Variants in RALGAPA1 observed in about 807,000 individuals in gnomAD.
The protein encoded by RALGAPA1 is ral GTPase-activating protein subunit alpha-1.
Under a neutral mutation model 269.6 loss-of-function variants are expected in RALGAPA1, and 52 were observed. The observed-to-expected ratio is 0.19, with a 90% CI of 0.15 to 0.24. The LOEUF (loss-of-function observed/expected upper bound fraction) is 0.24, where lower values mean the gene tolerates loss of function less well. Among genes scored for constraint, RALGAPA1 ranks in the 10% least tolerant of loss-of-function variants. The pLI, the probability that RALGAPA1 is intolerant of heterozygous loss-of-function variation, is 1.00. For synonymous variants in RALGAPA1, 817 were observed against 1,008.3 expected, an observed-to-expected ratio of 0.81 and a Z score of 3.60; for missense variants, 1,917 against 3,013.9, an observed-to-expected ratio of 0.64 and a Z score of 8.52.
intron 36 of RALGAPA1, among the ~76,000 whole-genome samples, chr14:35,599,571 C>T (rs1005429587): frequency 9.2e-5 from 14 of 151,954 alleles, no homozygotes; most frequent in African/African-American, 3.4e-4. Flanking sequence ...ATGTTGAAAC[C>T]CTGTCTCTAC....
chr14:35,580,918 A>C (rs888076949), intron 37 of RALGAPA1, among the ~76,000 whole-genome samples: 131 of 152,198 alleles, frequency 8.6e-4, no homozygotes, highest in African/African-American at 3.1e-3. Flanking sequence ...ACTTCCTCCA[A>C]TATTACACTT....
intron 26 of RALGAPA1, among the ~76,000 whole-genome samples, chr14:35,667,378 C>CAA (rs1308690973): frequency 6.6e-6 from 1 of 152,254 alleles, no homozygotes; most frequent in East Asian, 1.9e-4. Flanking sequence ...AGTCTAGCGA[C>CAA]AGAGCGAGAC....
intron 37 of RALGAPA1, among the ~76,000 whole-genome samples, chr14:35,588,117 G>C (rs2058419444): frequency 6.6e-6 from 1 of 152,146 alleles, no homozygotes; most frequent in East Asian, 1.9e-4. Flanking sequence ...ATGTTGGCCA[G>C]GATGCTCTCA....
chr14:35,557,863 C>T (rs929605760), intron 39 of RALGAPA1, among the ~76,000 whole-genome samples: 1 of 152,142 alleles, frequency 6.6e-6, no homozygotes, highest in Non-Finnish European at 1.5e-5. Flanking sequence ...TATTTAAGAA[C>T]ATGCTGCATA....
At chr14:35,738,862 A>G (rs1456019082) in intron 11 of RALGAPA1, among the ~76,000 whole-genome samples, 1 of 152,194 alleles carries the variant, frequency 6.6e-6, no homozygotes, top group Non-Finnish European at 1.5e-5. Context: ...AAAAACAACA[A>G]CAAAACCCAT....
chr14:35,713,036 A>G (rs934880422), intron 16 of RALGAPA1, among the ~76,000 whole-genome samples: 4 of 152,224 alleles, frequency 2.6e-5, no homozygotes, highest in African/African-American at 7.2e-5. Flanking sequence ...AAGATTTTCA[A>G]TTTTATCCCA....
intron 31 of RALGAPA1, among the ~76,000 whole-genome samples, chr14:35,641,600 C>T (rs376885120): frequency 6.6e-5 from 10 of 152,200 alleles, no homozygotes; most frequent in East Asian, 5.8e-4. Flanking sequence ...GAAAAAGACA[C>T]GAAACAATGG....
Position 35,728,966 on chromosome 14 carries a change from C to T in RALGAPA1, c.1588-456G>A, listed in dbSNP as rs1335239513. Reference sequence around the variant, plus strand: ...GCCAGGCTGGTCTCAAACTCCTGGCCTCAAGTGATCTGCCCACCTTGGCTT... The same window carrying T: ...GCCAGGCTGGTCTCAAACTCCTGGCTTCAAGTGATCTGCCCACCTTGGCTT... On this transcript the variant is annotated intron_variant, in intron 12 of 41. Transcript: ENST00000680220. Among the ~76,000 whole-genome samples, 7 of 152,166 alleles carry T rather than the reference C, an allele frequency of 4.6e-5. No homozygotes were observed. The East Asian group carries it at 1.4e-3, about 29-fold the overall frequency.
intron 22 of RALGAPA1, 138 bp from the exon 23 acceptor site, chr14:35,674,847 C>A: frequency 5.8e-6 from 3 of 515,122 alleles, no homozygotes; most frequent in South Asian, 4.1e-5. Flanking sequence ...TATTTTTTCC[C>A]GATAAGGTCA....
intron 3 of RALGAPA1, among the ~76,000 whole-genome samples, chr14:35,773,789 A>G (rs1009920): frequency 0.35 from 52,919 of 151,992 alleles, 12,697 homozygotes; most frequent in African/African-American, 0.67. Flanking sequence ...CAGCGTTACT[A>G]CTGTTTGGAA....
At chr14:35,741,312 T>C (rs1567132747) in intron 11 of RALGAPA1, among the ~76,000 whole-genome samples, 1 of 152,172 alleles carries the variant, frequency 6.6e-6, no homozygotes, top group Non-Finnish European at 1.5e-5. Context: ...AATTTGATAT[T>C]TTTCATTGGT....
At chr14:35,659,244 A>C in intron 27 of RALGAPA1, 48 bp from the exon 28 acceptor site, 1 of 1,391,706 alleles carries the variant, frequency 7.2e-7, no homozygotes, top group South Asian at 1.2e-5. Flanking sequence ...GATTTCACTC[A>C]TTCATTCTAC....
intron 16 of RALGAPA1, 149 bp downstream of exon 16, chr14:35,721,539 G>C: frequency 1.7e-6 from 1 of 596,200 alleles, no homozygotes; most frequent in Non-Finnish European, 2.8e-6. Context: ...TAGACTCTGA[G>C]TACTTCTGGA....
Position 35,765,790 on chromosome 14 carries a change from C to T in RALGAPA1, c.326-3037G>A. The T allele has an allele frequency of 1.9e-5, 9 of 480,222 alleles. No individual in the cohort carries two copies. In the South Asian group the frequency reaches 2.0e-4, roughly 11 times the overall value. 29.7% of individuals were successfully genotyped at this position (480,222 alleles called of 1,614,324 possible). ...GGATTACAGGCGTGAGCCACTACAG[C>T]CAGCCAAAAATTACTGTCTTACATG... is the stretch of plus-strand genomic sequence containing the variant. On this transcript the variant is annotated intron_variant, in intron 4 of 41. Transcript: ENST00000680220.
At chr14:35,718,675 G>C (rs1047726092) in intron 16 of RALGAPA1, among the ~76,000 whole-genome samples, 1 of 151,872 alleles carries the variant, frequency 6.6e-6, no homozygotes, top group African/African-American at 2.4e-5. Context: ...AATTAGCCAG[G>C]CGTGGTGGCA....
intron 22 of RALGAPA1, among the ~76,000 whole-genome samples, chr14:35,674,972 T>C (rs1276515699): frequency 6.6e-6 from 1 of 152,162 alleles, no homozygotes; most frequent in Non-Finnish European, 1.5e-5. Context: ...TAGAGAAATT[T>C]CTATCTATGC....
intron 31 of RALGAPA1, among the ~76,000 whole-genome samples, chr14:35,644,417 A>G (rs2062247031): frequency 6.6e-6 from 1 of 152,320 alleles, no homozygotes; most frequent in South Asian, 2.1e-4. Flanking sequence ...AGACCCTAAA[A>G]CTGCATACAA....
intron 31 of RALGAPA1, among the ~76,000 whole-genome samples, chr14:35,641,254 A>G (rs777759472): frequency 2.0e-5 from 3 of 152,196 alleles, no homozygotes; most frequent in Non-Finnish European, 4.4e-5. Flanking sequence ...GCAAGCAGAC[A>G]AGAGAGAGAA....
chr14:35,554,307 C>T (rs1360749587), intron 39 of RALGAPA1, among the ~76,000 whole-genome samples: 4 of 147,276 alleles, frequency 2.7e-5, no homozygotes, highest in African/African-American at 1.0e-4. Context: ...GAACTCTTTC[C>T]TTAGGCTTGT....
Sources: gnomAD v4.1 joint callset for allele counts (sites outside exome capture counted in the v4.1 genomes callset) on GRCh38, gnomAD v4.1.1 for gene constraint, MANE v1.5 for transcripts, NCBI Gene and HGNC (gene_info 2026-07-23, HGNC 2026-07-21) for gene names.